TMEM163: variants seen among roughly 807,000 people sequenced by gnomAD.
TMEM163 encodes the protein transmembrane protein 163.
Under a neutral mutation model 29.3 loss-of-function variants are expected in TMEM163, and 17 were observed. The ratio of observed to expected loss-of-function variants is 0.58; its 90% CI spans 0.40 to 0.87. TMEM163 has a LOEUF of 0.87. Ranked by LOEUF, TMEM163 falls within the 40% of genes least tolerant of loss-of-function variation. TMEM163 has a pLI of 0.00. For missense variants in TMEM163, 303 were observed against 381.5 expected (o/e 0.79, Z 1.71); for synonymous variants, 157 against 160.6 (o/e 0.98, Z 0.17).
chr2:134,663,143 A>T lies in TMEM163; in HGVS notation c.322+50057T>A, dbSNP rs1683794243. 2.0e-5 allele frequency among the ~76,000 whole-genome samples: 3 copies of T among 152,238 alleles called. No homozygotes were observed. In the South Asian group the frequency reaches 6.2e-4, roughly 32 times the overall value. On this transcript the variant is annotated intron_variant, in intron 2 of 7. Transcript: ENST00000281924. ...AAAAAAAACTTTGCTACAGAAATAG[A>T]ATTAAACAGAACTGCAAAAAGGCAC...
intron 2 of TMEM163, among the ~76,000 whole-genome samples, chr2:134,557,214 T>C (rs1436490348): frequency 2.0e-5 from 3 of 152,190 alleles, no homozygotes; most frequent in Admixed American, 6.5e-5. Flanking sequence ...AGACACAAGA[T>C]GAAGCATGTG....
intron 2 of TMEM163, among the ~76,000 whole-genome samples, chr2:134,572,907 T>A (rs915762141): frequency 3.3e-5 from 5 of 152,236 alleles, no homozygotes; most frequent in Non-Finnish European, 7.3e-5. Context: ...GTGTGATTTA[T>A]ACGCATCCTC....
intron 2 of TMEM163, among the ~76,000 whole-genome samples, chr2:134,638,633 A>G (rs940215874): frequency 1.3e-5 from 2 of 152,214 alleles, no homozygotes; most frequent in Non-Finnish European, 2.9e-5. Flanking sequence ...CCAATACAGG[A>G]GAAACCACAG....
rs778985615 is a variant in TMEM163 at position 134,458,124 on chromosome 2, G to C, written c.717C>G (p.Ser239Arg). The C allele has an allele frequency of 6.2e-7, 1 of 1,614,024 alleles. No homozygotes were observed. The highest frequency in any genetic ancestry group is 8.5e-7 in the Non-Finnish European group (1 of 1,180,042). The change falls in exon 7 of 8, where the codon AGC becomes AGG. Residue 239 changes from serine (S) to arginine (R), a missense_variant. Ser to Arg is a moderately radical substitution (Grantham distance 110). Around this residue, in one of 2 missense-constraint regions of TMEM163, gnomAD observed 203 missense variants for 294.3 expected, o/e 0.69. Transcript: ENST00000281924. The stretch of plus-strand genomic sequence containing the variant: ...CCGAGTCATGCTTGAACACTTCCGC[G>C]CTCAGAAGAATGGAGAAGCCCATCA... The part of the protein sequence containing the change: ...GGVMGFSILL[S>R]AEVFKHDSAV...
intron 2 of TMEM163, among the ~76,000 whole-genome samples, chr2:134,655,903 G>C (rs1368590887): frequency 2.1e-5 from 3 of 142,018 alleles, no homozygotes; most frequent in Admixed American, 1.4e-4. Context: ...CAGTCTGCCC[G>C]TTCTCAGATC....
At chr2:134,557,327 TCTTTC>T (rs1681068119) in intron 2 of TMEM163, among the ~76,000 whole-genome samples, 1 of 152,244 alleles carries the variant, frequency 6.6e-6, no homozygotes, top group Admixed American at 6.5e-5. Context: ...TGAGTGGGTT[TCTTTC>T]CTTTCTACTG....
intron 7 of TMEM163, among the ~76,000 whole-genome samples, chr2:134,457,040 A>G (rs1574144387): frequency 6.6e-6 from 1 of 152,292 alleles, no homozygotes; most frequent in Admixed American, 6.5e-5. Context: ...GATATTTTAT[A>G]TAAACAAAAT....
intron 4 of TMEM163, among the ~76,000 whole-genome samples, chr2:134,507,385 G>A (rs1052725387): frequency 2.7e-5 from 4 of 150,798 alleles, no homozygotes; most frequent in South Asian, 2.1e-4. Flanking sequence ...AATACCCACC[G>A]GATCAGTGGT....
intron 3 of TMEM163, among the ~76,000 whole-genome samples, chr2:134,551,137 A>G (rs570282967): frequency 2.0e-5 from 3 of 152,286 alleles, no homozygotes; most frequent in Non-Finnish European, 2.9e-5. Context: ...ATAAAATTCA[A>G]TGCTTTTGTT....
At chr2:134,665,676 A>T (rs1010708245) in intron 2 of TMEM163, among the ~76,000 whole-genome samples, 2 of 152,096 alleles carry the variant, frequency 1.3e-5, no homozygotes, top group Non-Finnish European at 2.9e-5. Context: ...TAACTCATAC[A>T]GTGGGAAAGC....
At chr2:134,556,235 A>G (rs943771572) in intron 2 of TMEM163, among the ~76,000 whole-genome samples, 1 of 152,144 alleles carries the variant, frequency 6.6e-6, no homozygotes, top group African/African-American at 2.4e-5. Context: ...CCTCAAATAC[A>G]TTAGCCAATA....
chr2:134,567,756 C>T (rs1380625655), intron 2 of TMEM163, among the ~76,000 whole-genome samples: 1 of 152,106 alleles, frequency 6.6e-6, no homozygotes, highest in African/African-American at 2.4e-5. Flanking sequence ...AAGATAGCAC[C>T]TTTCTCCATT....
intron 2 of TMEM163, among the ~76,000 whole-genome samples, chr2:134,685,387 C>T (rs1257471323): frequency 6.6e-6 from 1 of 152,146 alleles, no homozygotes; most frequent in Non-Finnish European, 1.5e-5. Context: ...AAACAACAAA[C>T]CAATAATTGG....
intron 4 of TMEM163, among the ~76,000 whole-genome samples, chr2:134,503,415 C>A (rs1283569557): frequency 6.6e-6 from 1 of 152,200 alleles, no homozygotes; most frequent in East Asian, 1.9e-4. Context: ...CTTGTGTGAT[C>A]TTGATTATTG....
chr2:134,501,300 T>C (rs1300824969), intron 5 of TMEM163, among the ~76,000 whole-genome samples: 1 of 152,168 alleles, frequency 6.6e-6, no homozygotes, highest in Admixed American at 6.5e-5. Flanking sequence ...TGTAAGTCGG[T>C]GAGCTGCTTC....
At chr2:134,612,633 G>C (rs1232541037) in intron 2 of TMEM163, among the ~76,000 whole-genome samples, 2 of 150,636 alleles carry the variant, frequency 1.3e-5, no homozygotes, top group African/African-American at 2.4e-5. Context: ...GGAAATCTCT[G>C]ACTAATCACT....
chr2:134,499,420 AC>A (rs1679652913), intron 5 of TMEM163, among the ~76,000 whole-genome samples: 1 of 152,138 alleles, frequency 6.6e-6, no homozygotes, highest in African/African-American at 2.4e-5. Context: ...TGTTTCATGA[AC>A]CACCTGCAGG....
At chr2:134,507,251 G>A (rs535649808) in intron 4 of TMEM163, among the ~76,000 whole-genome samples, 24 of 151,928 alleles carry the variant, frequency 1.6e-4, no homozygotes, top group Non-Finnish European at 2.4e-4. Flanking sequence ...CAGGAGAATC[G>A]CTTGAACCTG....
intron 2 of TMEM163, among the ~76,000 whole-genome samples, chr2:134,629,867 T>G (rs1682930399): frequency 6.6e-6 from 1 of 151,960 alleles, no homozygotes; most frequent in Non-Finnish European, 1.5e-5. Context: ...AAGAAAAGAG[T>G]TGACGGACAA....
Sources: gnomAD v4.1 joint callset for allele counts (sites outside exome capture counted in the v4.1 genomes callset) on GRCh38, gnomAD v4.1.1 for gene constraint, gnomAD v4.1.1 regional missense constraint, MANE v1.5 for transcripts, NCBI Gene and HGNC (gene_info 2026-07-23, HGNC 2026-07-21) for gene names.